Variants in VAV3 observed in about 807,000 individuals in gnomAD.
The protein encoded by VAV3 is vav guanine nucleotide exchange factor 3, also known as guanine nucleotide exchange factor VAV3.
VAV3 carries 94 observed loss-of-function variants against 131.2 expected under a neutral mutation model. The ratio of observed to expected loss-of-function variants is 0.72; its 90% CI spans 0.61 to 0.85. The LOEUF is 0.85. VAV3 is among the 40% of genes least tolerant of loss of function. The probability of loss-of-function intolerance (pLI) is 0.00; values close to 1 mark genes in which losing one functional copy is unlikely to be tolerated. For missense variants in VAV3, 939 were observed against 1,002.7 expected (o/e 0.94, Z 0.86); for synonymous variants, 349 against 342.0 (o/e 1.02, Z -0.22).
intron 1 of VAV3, among the ~76,000 whole-genome samples, chr1:107,903,280 A>C (rs919889240): frequency 1.3e-5 from 2 of 152,238 alleles, no homozygotes; most frequent in Non-Finnish European, 2.9e-5. Context: ...TGCAGCTGTA[A>C]CAAACATTTG....
chr1:107,903,334 A>G (rs1372787632), intron 1 of VAV3, among the ~76,000 whole-genome samples: 1 of 152,132 alleles, frequency 6.6e-6, no homozygotes, highest in African/African-American at 2.4e-5. Flanking sequence ...AATGTAAAAC[A>G]CAGCTATAAA....
rs1553201322 is a variant in VAV3, at chr1:107,753,549, T to TAC, written c.1173+1876_1173+1877dup. 4.3e-4 allele frequency among the ~76,000 whole-genome samples: 35 copies of TAC among 82,062 alleles called. No homozygotes were observed. In the South Asian group the frequency reaches 5.5e-3, roughly 13 times the overall value. 53.8% of individuals were successfully genotyped at this position (82,062 alleles called of 152,430 possible). A position where few individuals can be genotyped will look rare whatever the true frequency, so the allele number is the denominator to read the frequency against. On this transcript the variant is annotated intron_variant, in intron 12 of 26. Coordinates refer to ENST00000370056, the MANE Select transcript of VAV3 (RefSeq NM_006113.5). ...ATACGTATATATATATATATATATATACACACACACACTTTTTTTTTTGAG... is the reference window on the plus strand; with the variant it reads ...ATACGTATATATATATATATATATATACACACACACACACTTTTTTTTTTGAG...
At chr1:107,589,723 G>C (rs1352220860) in intron 25 of VAV3, among the ~76,000 whole-genome samples, 1 of 151,996 alleles carries the variant, frequency 6.6e-6, no homozygotes, top group Admixed American at 6.6e-5. Context: ...AAAAAACTGA[G>C]GATACAATAA....
chr1:107,732,927 C>T (rs948774788), intron 15 of VAV3, among the ~76,000 whole-genome samples: 5 of 152,176 alleles, frequency 3.3e-5, no homozygotes, highest in African/African-American at 1.2e-4. Context: ...GTCCCTGACC[C>T]CCATGTAGCC....
At chr1:107,716,708 T>C (rs1002081521) in intron 15 of VAV3, among the ~76,000 whole-genome samples, 6 of 152,180 alleles carry the variant, frequency 3.9e-5, no homozygotes, top group Non-Finnish European at 5.9e-5. Flanking sequence ...TTTGTTGTTG[T>C]TGTGTCTCTG....
chr1:107,935,599 T>C (rs918291422), intron 1 of VAV3, among the ~76,000 whole-genome samples: 8 of 152,166 alleles, frequency 5.3e-5, no homozygotes, highest in East Asian at 1.9e-4. Context: ...CACTTACTCA[T>C]TGCAGTTACA....
intron 25 of VAV3, among the ~76,000 whole-genome samples, chr1:107,577,572 A>G (rs2100992325): frequency 6.6e-6 from 1 of 152,356 alleles, no homozygotes; most frequent in East Asian, 1.9e-4. Flanking sequence ...AAGTGTCATG[A>G]GACAGCTTCT....
At chr1:107,842,685 T>C (rs1028903399) in intron 2 of VAV3, among the ~76,000 whole-genome samples, 2 of 152,166 alleles carry the variant, frequency 1.3e-5, no homozygotes, top group Admixed American at 1.3e-4. Flanking sequence ...TTGGGTGTCC[T>C]TGGTTTTCTG....
chr1:107,602,985 G>T, intron 23 of VAV3, 62 bp downstream of exon 23: 3 of 1,353,492 alleles, frequency 2.2e-6, no homozygotes, highest in Middle Eastern at 1.8e-4. Flanking sequence ...ATACATGTCA[G>T]ATGGTCTATG....
intron 1 of VAV3, among the ~76,000 whole-genome samples, chr1:107,952,361 C>T (rs957942794): frequency 6.6e-6 from 1 of 151,238 alleles, no homozygotes; most frequent in Admixed American, 6.6e-5. Context: ...CTAATGGGTA[C>T]TAGGCTTAAT....
chr1:107,944,384 A>T (rs1674148889), intron 1 of VAV3, among the ~76,000 whole-genome samples: 1 of 152,186 alleles, frequency 6.6e-6, no homozygotes, highest in South Asian at 2.1e-4. Context: ...AGTTACATAT[A>T]CATACCCAGG....
At chr1:107,842,236 T>C (rs1668750787) in intron 2 of VAV3, among the ~76,000 whole-genome samples, 2 of 152,204 alleles carry the variant, frequency 1.3e-5, no homozygotes, top group South Asian at 4.1e-4. Context: ...AGTTCCCAAA[T>C]TCTAAAATGA....
At chr1:107,723,981 T>A (rs1485853408) in intron 15 of VAV3, among the ~76,000 whole-genome samples, 1 of 152,064 alleles carries the variant, frequency 6.6e-6, no homozygotes, top group Non-Finnish European at 1.5e-5. Flanking sequence ...CATTTCTAAA[T>A]TGAAGCTCAG....
intron 1 of VAV3, among the ~76,000 whole-genome samples, chr1:107,901,956 T>A (rs184568031): frequency 6.6e-6 from 1 of 151,834 alleles, no homozygotes; most frequent in Non-Finnish European, 1.5e-5. Flanking sequence ...GGGAGGAGAA[T>A]CGCTTGAACC....
chr1:107,887,637 T>A (rs189024850), intron 1 of VAV3, among the ~76,000 whole-genome samples: 67 of 152,292 alleles, frequency 4.4e-4, no homozygotes, highest in Non-Finnish European at 4.0e-4. Flanking sequence ...TCTTTTACAA[T>A]GCATGCGTCT....
intron 19 of VAV3, among the ~76,000 whole-genome samples, chr1:107,654,048 T>C (rs1656365129): frequency 6.6e-6 from 1 of 152,152 alleles, no homozygotes; most frequent in African/African-American, 2.4e-5. Flanking sequence ...TTCATTTACA[T>C]ATGAAGCAAC....
At chr1:107,852,370 T>C (rs373264444) in intron 2 of VAV3, among the ~76,000 whole-genome samples, 31 of 152,270 alleles carry the variant, frequency 2.0e-4, no homozygotes, top group African/African-American at 7.5e-4. Flanking sequence ...GACAAAGTCA[T>C]TGCATACAAA....
intron 1 of VAV3, among the ~76,000 whole-genome samples, chr1:107,914,042 G>A (rs146024475): frequency 2.0e-5 from 3 of 152,278 alleles, no homozygotes; most frequent in East Asian, 1.9e-4. Flanking sequence ...TGATCTGCCC[G>A]CCTTGGCCTC....
chr1:107,849,835 A>G (rs1669138643), intron 2 of VAV3, among the ~76,000 whole-genome samples: 1 of 152,234 alleles, frequency 6.6e-6, no homozygotes, highest in South Asian at 2.1e-4. Flanking sequence ...CAAAGGGCTA[A>G]TATCCAGAAT....
Sources: allele counts gnomAD v4.1 joint callset (sites outside exome capture counted in the v4.1 genomes callset), GRCh38; gene constraint gnomAD v4.1.1; transcripts MANE v1.5; gene names NCBI Gene and HGNC (gene_info 2026-07-23, HGNC 2026-07-21).